The following WWOX variants were observed in gnomAD, a reference collection of about 807,000 sequenced individuals.
WWOX encodes WW domain containing oxidoreductase, also known as WW domain-containing oxidoreductase.
Under a neutral mutation model 46.2 loss-of-function variants are expected in WWOX, and 69 were observed. That is an observed-to-expected ratio of 1.49 (90% CI 1.23 to 1.82). The LOEUF is 1.82. Ranked by LOEUF, WWOX falls within the 40% of genes most tolerant of loss-of-function variation. The pLI, the probability that WWOX is intolerant of heterozygous loss-of-function variation, is 0.00. For synonymous variants in WWOX, 359 were observed against 202.6 expected (o/e 1.77, Z -6.56); for missense variants, 919 against 542.6 (o/e 1.69, Z -6.89).
rs192306003 is a variant in WWOX at position 78,602,692 on chromosome 16, G to C, written c.1056+169940G>C. Among the ~76,000 whole-genome samples, 14 of 152,302 alleles carry C rather than the reference G, an allele frequency of 9.2e-5. No homozygotes were observed. In the East Asian group the frequency reaches 2.7e-3, roughly 29 times the overall value. ...TCTGATCATTGTCATGACAGGAATA[G>C]TGAAAATAACAATAAATCATTTTTC... On this transcript the variant is annotated intron_variant, in intron 8 of 8. Transcript: ENST00000566780.
chr16:78,795,782 A>C (rs768622480), intron 8 of WWOX, among the ~76,000 whole-genome samples: 2 of 152,102 alleles, frequency 1.3e-5, no homozygotes, highest in Admixed American at 6.6e-5. Context: ...ACATCTAGCT[A>C]ATGTCCTTGA....
At chr16:78,941,766 T>A (rs2045856380) in intron 8 of WWOX, among the ~76,000 whole-genome samples, 2 of 152,174 alleles carry the variant, frequency 1.3e-5, no homozygotes, top group East Asian at 3.9e-4. Context: ...ATTATATTTT[T>A]AAAAAAGGTA....
intron 5 of WWOX, among the ~76,000 whole-genome samples, chr16:78,378,666 A>G (rs988411260): frequency 1.3e-5 from 2 of 152,204 alleles, no homozygotes; most frequent in Admixed American, 1.3e-4. Context: ...TTAAGGTTTT[A>G]GAACATAAAA....
chr16:78,683,563 A>T (rs911864320), intron 8 of WWOX, among the ~76,000 whole-genome samples: 100 of 37,696 alleles, frequency 2.7e-3, no homozygotes, highest in Admixed American at 6.7e-3. Flanking sequence ...AAAAATAATA[A>T]AAAAAAAATT....
chr16:78,993,038 C>A (rs1008590349), intron 8 of WWOX, among the ~76,000 whole-genome samples: 3 of 151,548 alleles, frequency 2.0e-5, no homozygotes, highest in Admixed American at 6.6e-5. Flanking sequence ...GGCTTTTTTT[C>A]ATATATAATT....
intron 8 of WWOX, among the ~76,000 whole-genome samples, chr16:78,735,345 T>C (rs2049062670): frequency 6.7e-6 from 1 of 150,090 alleles, no homozygotes; most frequent in East Asian, 2.0e-4. Flanking sequence ...GGTCATCAGG[T>C]TCTCCAGAGA....
chr16:78,701,874 A>G (rs2048224841), intron 8 of WWOX, among the ~76,000 whole-genome samples: 1 of 151,384 alleles, frequency 6.6e-6, no homozygotes, highest in African/African-American at 2.4e-5. Context: ...GTGAGAAGGG[A>G]AAAGGCCCCA....
At chr16:79,176,015 G>A (rs941221663) in intron 8 of WWOX, among the ~76,000 whole-genome samples, 3 of 152,134 alleles carry the variant, frequency 2.0e-5, no homozygotes, top group African/African-American at 4.8e-5. Context: ...CCTGCTCTAT[G>A]AAACTGGATT....
intron 8 of WWOX, among the ~76,000 whole-genome samples, chr16:78,888,571 T>C (rs1236250056): frequency 6.6e-6 from 1 of 152,112 alleles, no homozygotes; most frequent in Non-Finnish European, 1.5e-5. Context: ...TGTTTGTTAG[T>C]TTTGAGGATG....
At chr16:79,116,973 A>G (rs887010860) in intron 8 of WWOX, among the ~76,000 whole-genome samples, 33 of 152,192 alleles carry the variant, frequency 2.2e-4, no homozygotes, top group Admixed American at 5.9e-4. Context: ...CAGGCATGGA[A>G]ACTACATTAA....
intron 8 of WWOX, among the ~76,000 whole-genome samples, chr16:78,682,082 A>G (rs977930069): frequency 6.6e-6 from 1 of 152,238 alleles, no homozygotes; most frequent in Non-Finnish European, 1.5e-5. Flanking sequence ...AAATGCATGT[A>G]TGTAAAGTCT....
intron 8 of WWOX, among the ~76,000 whole-genome samples, chr16:79,103,953 T>G (rs550326688): frequency 1.4e-4 from 21 of 146,016 alleles, no homozygotes; most frequent in Non-Finnish European, 2.8e-4. Flanking sequence ...AAGAGAGAAG[T>G]CTAGGAATGG....
intron 8 of WWOX, among the ~76,000 whole-genome samples, chr16:79,142,297 G>T (rs183892475): frequency 1.3e-5 from 2 of 152,278 alleles, no homozygotes; most frequent in African/African-American, 4.8e-5. Flanking sequence ...AAACAGGGTA[G>T]TGAGATGGGA....
intron 8 of WWOX, among the ~76,000 whole-genome samples, chr16:78,942,139 A>G (rs2045864200): frequency 6.6e-6 from 1 of 152,116 alleles, no homozygotes; most frequent in Non-Finnish European, 1.5e-5. Context: ...CTTTTCTAGT[A>G]GCTTGGATGT....
At chr16:78,440,864 C>T (rs551210697) in intron 8 of WWOX, among the ~76,000 whole-genome samples, 13 of 152,306 alleles carry the variant, frequency 8.5e-5, no homozygotes, top group African/African-American at 1.9e-4. Flanking sequence ...GGTGATCCAC[C>T]TGCCTTGGCC....
At chr16:78,425,168 G>C (rs2083047307) in intron 7 of WWOX, 113 bp downstream of exon 7, 2 of 1,423,638 alleles carry the variant, frequency 1.4e-6, no homozygotes, top group Non-Finnish European at 9.8e-7. Flanking sequence ...AGACATGTGG[G>C]TGGACTCAGC....
At position 78,717,831 on chromosome 16, in the gene WWOX, T is replaced by C. The variant is rs1425928391; in HGVS notation, c.1056+285079T>C. ...TGGTTTTTCTCCTTCCTGCTATTTA[T>C]ATTTCCCTCTCTGTCTTTCCCACCT... is the stretch of plus-strand genomic sequence containing the variant. On this transcript the variant is annotated intron_variant, in intron 8 of 8. Transcript: ENST00000566780. Among the ~76,000 whole-genome samples, 3 of 152,174 alleles carry C rather than the reference T, an allele frequency of 2.0e-5. No homozygotes were observed. In the East Asian group the frequency reaches 5.8e-4, roughly 29 times the overall value.
chr16:78,789,383 A>G (rs1461296760), intron 8 of WWOX, among the ~76,000 whole-genome samples: 2 of 152,218 alleles, frequency 1.3e-5, no homozygotes, highest in Non-Finnish European at 2.9e-5. Flanking sequence ...CATTTGTCCC[A>G]GAAGCATTGA....
intron 5 of WWOX, among the ~76,000 whole-genome samples, chr16:78,311,124 TAAAG>T (rs1365156104): frequency 3.3e-5 from 5 of 152,054 alleles, no homozygotes; most frequent in Non-Finnish European, 7.4e-5. Flanking sequence ...TCCTGTGGGT[TAAAG>T]AAAAAGAAAG....
Sources: gnomAD v4.1 joint callset for allele counts (sites outside exome capture counted in the v4.1 genomes callset) on GRCh38, gnomAD v4.1.1 for gene constraint, MANE v1.5 for transcripts, NCBI Gene and HGNC (gene_info 2026-07-23, HGNC 2026-07-21) for gene names.